SETX: variants seen among roughly 807,000 people sequenced by gnomAD.
The protein encoded by SETX is helicase senataxin.
In SETX, 90 loss-of-function variants were observed where a neutral mutation model predicts 227.2. That is an observed-to-expected ratio of 0.40 (90% CI 0.33 to 0.47). The LOEUF (loss-of-function observed/expected upper bound fraction) is 0.47. SETX is among the 20% of genes least tolerant of loss of function. SETX has a pLI of 0.91. For missense variants in SETX, 3,052 were observed against 3,181.5 expected, an observed-to-expected ratio of 0.96 and a Z score of 0.98; for synonymous variants, 1,210 against 1,113.2, an observed-to-expected ratio of 1.09 and a Z score of -1.73.
At position 132,354,953 on chromosome 9, in the gene SETX, A is replaced by G. The variant is rs1253620289; in HGVS notation, c.-151T>C. On this transcript the variant is annotated 5_prime_UTR_variant, in exon 1 of 26. The change abolishes an upstream ATG in the 5' untranslated region. Coordinates refer to ENST00000224140, the MANE Select transcript of SETX (RefSeq NM_015046.7). Reference sequence around the variant, plus strand: ...TGGCGTCGGCCTCTAGCCCACCTCCATACCGGGCCCCGCTCTAGGCCACCA... The same window carrying G: ...TGGCGTCGGCCTCTAGCCCACCTCCGTACCGGGCCCCGCTCTAGGCCACCA... 1.3e-5 allele frequency: 2 copies of G among 152,148 alleles called. No individual in the cohort carries two copies. The highest frequency in any genetic ancestry group is 2.4e-5 in the African/African-American group (1 of 41,396). The allele number at this position is 152,148 out of a possible 1,614,324, so 9.4% of individuals were successfully genotyped here. A position where few individuals can be genotyped will look rare whatever the true frequency, so the allele number is the denominator to read the frequency against.
intron 10 of SETX, among the ~76,000 whole-genome samples, chr9:132,326,100 C>T (rs1022618412): frequency 1.3e-4 from 19 of 151,864 alleles, no homozygotes; most frequent in Non-Finnish European, 2.5e-4. Context: ...CAGAGTCTCA[C>T]TCTGCCGCCC....
In SETX at chr9:132,328,295, A is replaced by T; in HGVS notation, c.3303T>A (p.Asn1101Lys). Residue 1101 changes from asparagine to lysine, a missense_variant, in exon 10 of 26, where the codon AAT becomes AAA. By Grantham distance (94) the Asn-to-Lys change is moderately conservative. Transcript: ENST00000224140. ...ATTTTTTCTCACCATCTTGAACTGA[A>T]TTATTATCGTCTGGATGATCTTGCC... is the stretch of plus-strand genomic sequence containing the variant. ...SVWQDHPDDN[N>K]SVQDGEKKCL... 1 of 1,614,032 alleles carries T rather than the reference A, an allele frequency of 6.2e-7. No individual in the cohort carries two copies. The highest frequency in any genetic ancestry group is 1.1e-5 in the South Asian group (1 of 91,062).
In SETX at chr9:132,329,475, C is replaced by T; in HGVS notation, c.2123G>A (p.Ser708Asn). The change falls in exon 10 of 26, where the codon AGT becomes AAT. Residue 708 changes from serine (S) to asparagine (N), a missense_variant. This residue lies in a region of SETX where 1,483 missense variants were observed against 1,312.0 expected (regional missense o/e 1.13). Coordinates refer to ENST00000224140, the MANE Select transcript of SETX (RefSeq NM_015046.7). Reference sequence around the variant, plus strand: ...TTTTACAGACTTCTGCTTCCTTGTACTTATTTTAATTTGATCTTCAGCTCT... The same window carrying T: ...TTTTACAGACTTCTGCTTCCTTGTATTTATTTTAATTTGATCTTCAGCTCT... Reference protein sequence around the residue: ...TERAEDQIKISTRKQKSVKEI... With the variant: ...TERAEDQIKINTRKQKSVKEI... 1.9e-6 allele frequency: 3 copies of T among 1,612,512 alleles called. No individual in the cohort carries two copies. Among genetic ancestry groups the T allele is most frequent in the Non-Finnish European group, 2.5e-6 (3 of 1,179,864 alleles).
At chr9:132,278,357 G>A (rs972826866) in intron 20 of SETX, 100 bp from the exon 21 acceptor site, 91 of 1,139,468 alleles carry the variant, frequency 8.0e-5, no homozygotes, top group South Asian at 7.5e-4. Flanking sequence ...ATATGGCAAC[G>A]TTCAGGTAGC....
rs909173943 is a variant in SETX, at chr9:132,354,512, G to A, written c.-115+405C>T. ...CCCCGTCTCAAAAAAAAAAAAAAAA[G>A]AAAAAAGAAAAAAAAACAAAGGGAG... On this transcript the variant is annotated intron_variant, in intron 1 of 25. Coordinates refer to ENST00000224140, the MANE Select transcript of SETX (RefSeq NM_015046.7). 1.6e-3 allele frequency among the ~76,000 whole-genome samples: 222 copies of A among 138,270 alleles called. 1 individual carries two copies. The highest frequency in any genetic ancestry group is 5.2e-3 in the African/African-American group (201 of 38,402). The allele number at this position is 138,270 out of a possible 152,430, so 90.7% of individuals were successfully genotyped here.
intron 10 of SETX, among the ~76,000 whole-genome samples, chr9:132,320,182 C>T (rs1410737030): frequency 2.6e-5 from 4 of 152,134 alleles, no homozygotes; most frequent in Non-Finnish European, 5.9e-5. Context: ...GATAATTCTA[C>T]GTAATGTCAC....
intron 10 of SETX, among the ~76,000 whole-genome samples, chr9:132,317,461 T>C (rs1387341179): frequency 6.6e-6 from 1 of 152,144 alleles, no homozygotes; most frequent in Non-Finnish European, 1.5e-5. Context: ...ATTTTGAAAT[T>C]ATTATATACA....
In SETX at chr9:132,311,723, T is replaced by A. The variant is rs761576179; in HGVS notation, c.5374+34A>T. ...TAATTAGAAATCTCCAATTATTATA[T>A]CATATATTCCAAGTTGCGTAAGAAA... On this transcript the variant is annotated intron_variant, in intron 11 of 25. Transcript: ENST00000224140. 2.9e-6 allele frequency: 4 copies of A among 1,380,152 alleles called. No individual in the cohort carries two copies. In the African/African-American group the frequency reaches 5.7e-5, roughly 20 times the overall value. 85.5% of individuals were successfully genotyped at this position (1,380,152 alleles called of 1,614,324 possible).
intron 4 of SETX, among the ~76,000 whole-genome samples, chr9:132,343,123 T>A (rs1355566010): frequency 1.3e-5 from 2 of 152,004 alleles, no homozygotes; most frequent in East Asian, 3.9e-4. Context: ...ATCGAGAACA[T>A]CCTGGCTAAC....
intron 15 of SETX, among the ~76,000 whole-genome samples, chr9:132,291,507 G>A (rs751736484): frequency 1.1e-4 from 16 of 152,088 alleles, no homozygotes; most frequent in Non-Finnish European, 1.2e-4. Context: ...TAGAAAGGTA[G>A]ATGAGATTAC....
chr9:132,280,955 G>C (rs922307031), intron 20 of SETX, among the ~76,000 whole-genome samples: 3 of 152,140 alleles, frequency 2.0e-5, no homozygotes, highest in Admixed American at 2.0e-4. Flanking sequence ...GAAGGGCACA[G>C]ACATGTTCTT....
intron 13 of SETX, among the ~76,000 whole-genome samples, chr9:132,297,583 TC>T (rs1471575184): frequency 1.3e-5 from 2 of 152,184 alleles, no homozygotes; most frequent in East Asian, 3.8e-4. Flanking sequence ...AATCTAGGAT[TC>T]CTTAAGAGGT....
intron 10 of SETX, among the ~76,000 whole-genome samples, chr9:132,315,561 C>T (rs1845915561): frequency 6.6e-6 from 1 of 152,176 alleles, no homozygotes; most frequent in Admixed American, 6.5e-5. Flanking sequence ...AAACAAAACC[C>T]TTCCTTGTCT....
intron 10 of SETX, among the ~76,000 whole-genome samples, chr9:132,315,278 G>A (rs919103825): frequency 1.3e-5 from 2 of 152,096 alleles, no homozygotes; most frequent in African/African-American, 4.8e-5. Context: ...CTGCAGCACT[G>A]GCTCCCAATA....
chr9:132,290,196 C>T (rs755445022), intron 15 of SETX, among the ~76,000 whole-genome samples: 16 of 152,174 alleles, frequency 1.1e-4, no homozygotes, highest in Non-Finnish European at 1.6e-4. Flanking sequence ...GGTGACAGAG[C>T]AAGACTCCGT....
At chr9:132,313,554 C>G (rs1178617079) in intron 10 of SETX, among the ~76,000 whole-genome samples, 1 of 152,148 alleles carries the variant, frequency 6.6e-6, no homozygotes, top group Non-Finnish European at 1.5e-5. Flanking sequence ...TTAACATATA[C>G]TCAATATACT....
In SETX at chr9:132,298,319, T is replaced by C. The variant is rs780241615; in HGVS notation, c.5549-7A>G. The C allele has an allele frequency of 1.9e-6, 3 of 1,612,492 alleles. No homozygotes were observed. The highest frequency in any genetic ancestry group is 3.3e-5 in the Admixed American group (2 of 60,004). On this transcript the variant is annotated splice_region_variant and splice_polypyrimidine_tract_variant and intron_variant, in intron 12 of 25. Transcript: ENST00000224140. ...TCAGTTTTCCCATTACGCACTATCA[T>C]CAAGAAAGAGAAAAAGCAACTTCAG...
intron 23 of SETX, among the ~76,000 whole-genome samples, chr9:132,272,434 C>G (rs1307465077): frequency 6.6e-6 from 1 of 151,796 alleles, no homozygotes; most frequent in Non-Finnish European, 1.5e-5. Context: ...TAGATGTGAG[C>G]CACCATGCCT....
intron 5 of SETX, among the ~76,000 whole-genome samples, chr9:132,337,912 C>T (rs1847730659): frequency 6.6e-6 from 1 of 152,076 alleles, no homozygotes; most frequent in Admixed American, 6.6e-5. Flanking sequence ...GGGACAGCAC[C>T]TTCACCGAAT....
Sources: allele counts gnomAD v4.1 joint callset (sites outside exome capture counted in the v4.1 genomes callset), GRCh38; gene constraint gnomAD v4.1.1; regional missense constraint gnomAD v4.1.1; transcripts MANE v1.5; gene names NCBI Gene and HGNC (gene_info 2026-07-23, HGNC 2026-07-21).